The following SLC24A2 variants were observed in gnomAD, a reference collection of about 807,000 sequenced individuals.
SLC24A2 encodes the protein sodium/potassium/calcium exchanger 2.
A neutral mutation model predicts 62.0 loss-of-function variants in SLC24A2; 36 were observed. The observed-to-expected ratio is 0.58, with a 90% confidence interval of 0.44 to 0.77. SLC24A2 has a LOEUF of 0.77. Ranked by LOEUF, SLC24A2 falls within the 30% of genes least tolerant of loss-of-function variation. The pLI is 0.00. For synonymous variants in SLC24A2, 358 were observed against 294.0 expected (o/e 1.22, Z -2.23); for missense variants, 846 against 817.9 (o/e 1.03, Z -0.42).
chr9:19,737,143 A>G (rs1251549444), intron 2 of SLC24A2, among the ~76,000 whole-genome samples: 2 of 152,222 alleles, frequency 1.3e-5, no homozygotes, highest in Admixed American at 6.5e-5. Flanking sequence ...GAACTTTGCC[A>G]GACACATCTA....
the SLC24A2 span, among the ~76,000 whole-genome samples, chr9:19,910,605 C>T: frequency 2.0e-5 from 3 of 152,114 alleles, no homozygotes; most frequent in East Asian, 1.9e-4. Flanking sequence ...CAGGTCTCCA[C>T]ATATAGCATG....
At chr9:19,535,139 G>A (rs1191885099) in intron 8 of SLC24A2, among the ~76,000 whole-genome samples, 1 of 151,964 alleles carries the variant, frequency 6.6e-6, no homozygotes, top group Non-Finnish European at 1.5e-5. Flanking sequence ...CATGTTTGCT[G>A]GCTGCATAAA....
At chr9:19,680,029 G>A (rs1819675130) in intron 2 of SLC24A2, among the ~76,000 whole-genome samples, 1 of 151,910 alleles carries the variant, frequency 6.6e-6, no homozygotes, top group Admixed American at 6.6e-5. Context: ...AGCTATTATG[G>A]GCTCTTCCAA....
chr9:20,262,873 T>C, the SLC24A2 span, among the ~76,000 whole-genome samples: 4 of 140,478 alleles, frequency 2.8e-5, no homozygotes, highest in Non-Finnish European at 6.1e-5. Context: ...CTTTCTATTC[T>C]GCAGGGTTGG....
the SLC24A2 span, among the ~76,000 whole-genome samples, chr9:20,119,061 C>T: frequency 2.0e-5 from 3 of 152,218 alleles, no homozygotes; most frequent in East Asian, 3.9e-4. Context: ...AAGAAATGAA[C>T]GCAGCCTTCA....
the SLC24A2 span, among the ~76,000 whole-genome samples, chr9:19,998,699 C>T: frequency 6.6e-6 from 1 of 152,214 alleles, no homozygotes; most frequent in East Asian, 1.9e-4. Context: ...TCCGTTCATA[C>T]TAATTGTCTG....
chr9:19,938,750 G>T, the SLC24A2 span, among the ~76,000 whole-genome samples: 2 of 151,972 alleles, frequency 1.3e-5, no homozygotes, highest in East Asian at 3.9e-4. Flanking sequence ...ATGTTTTATT[G>T]CTACAATTTA....
At chr9:19,797,046 A>G in the SLC24A2 span, among the ~76,000 whole-genome samples, 127,393 of 152,106 alleles carry the variant, frequency 0.84, 53,973 homozygotes, top group Non-Finnish European at 0.91. Flanking sequence ...CAACTTTGTC[A>G]TTTAACCCTT....
At chr9:20,067,059 C>A in the SLC24A2 span, among the ~76,000 whole-genome samples, 3 of 152,090 alleles carry the variant, frequency 2.0e-5, no homozygotes, top group Non-Finnish European at 4.4e-5. Flanking sequence ...ACAATTTGTT[C>A]TAGATGGTAT....
At chr9:19,984,270 G>T in the SLC24A2 span, among the ~76,000 whole-genome samples, 1 of 152,084 alleles carries the variant, frequency 6.6e-6, no homozygotes, top group East Asian at 1.9e-4. Context: ...ATTGCAAGGG[G>T]CTCTAAATAG....
the SLC24A2 span, among the ~76,000 whole-genome samples, chr9:20,119,497 G>C: frequency 6.6e-6 from 1 of 152,110 alleles, no homozygotes; most frequent in African/African-American, 2.4e-5. Flanking sequence ...TAGAAAAAAA[G>C]GAGGTAAAGT....
the SLC24A2 span, among the ~76,000 whole-genome samples, chr9:19,842,590 T>C: frequency 2.0e-5 from 3 of 152,336 alleles, no homozygotes; most frequent in African/African-American, 7.2e-5. Flanking sequence ...CTTCTTATCC[T>C]GGCAACTTTG....
intron 2 of SLC24A2, among the ~76,000 whole-genome samples, chr9:19,746,005 T>C (rs764368741): frequency 1.3e-5 from 2 of 152,050 alleles, no homozygotes; most frequent in African/African-American, 2.4e-5. Flanking sequence ...GTTGAAGAAA[T>C]GCTGGAAAAT....
chr9:19,675,741 C>T (rs1044818121), intron 2 of SLC24A2, among the ~76,000 whole-genome samples: 19 of 152,082 alleles, frequency 1.2e-4, no homozygotes, highest in African/African-American at 2.2e-4. Context: ...TTCAGCCAGC[C>T]GGTGAGCAGG....
chr9:20,151,676 T>C, the SLC24A2 span, among the ~76,000 whole-genome samples: 3 of 151,866 alleles, frequency 2.0e-5, no homozygotes, highest in African/African-American at 7.2e-5. Flanking sequence ...TCTATGTTCA[T>C]AAATGGGAGG....
chr9:20,073,159 G>A, the SLC24A2 span, among the ~76,000 whole-genome samples: 3 of 152,200 alleles, frequency 2.0e-5, no homozygotes, highest in Non-Finnish European at 2.9e-5. Context: ...GTCTCACCAA[G>A]CTGTGATCAA....
At chr9:19,717,471 A>G (rs1292692009) in intron 2 of SLC24A2, among the ~76,000 whole-genome samples, 1 of 152,220 alleles carries the variant, frequency 6.6e-6, no homozygotes, top group Non-Finnish European at 1.5e-5. Context: ...TTTTTAAATA[A>G]TCAGGATAAA....
the SLC24A2 span, among the ~76,000 whole-genome samples, chr9:20,190,823 T>C: frequency 0.3 from 45,968 of 152,128 alleles, 9,320 homozygotes; most frequent in East Asian, 0.77. Flanking sequence ...TCTGAGTGTT[T>C]TCATCTTTAA....
At chr9:20,108,885 A>T in the SLC24A2 span, among the ~76,000 whole-genome samples, 1 of 149,968 alleles carries the variant, frequency 6.7e-6, no homozygotes, top group Non-Finnish European at 1.5e-5. Flanking sequence ...CATAAATGAA[A>T]ATAATTTTTA....
Sources: allele counts gnomAD v4.1 joint callset (sites outside exome capture counted in the v4.1 genomes callset), GRCh38; gene constraint gnomAD v4.1.1; transcripts MANE v1.5; gene names NCBI Gene and HGNC (gene_info 2026-07-23, HGNC 2026-07-21).